Variants in TAFA1 observed in about 807,000 individuals in gnomAD.
TAFA1 encodes chemokine-like protein TAFA-1.
In TAFA1, 4 loss-of-function variants were observed where a neutral mutation model predicts 18.5. The observed-to-expected ratio is 0.22, with a 90% CI of 0.11 to 0.49. TAFA1 has a LOEUF of 0.49. Among genes scored for constraint, TAFA1 ranks in the 20% least tolerant of loss-of-function variants. The pLI, the probability that TAFA1 is intolerant of heterozygous loss-of-function variation, is 0.98. For missense variants in TAFA1, 147 were observed against 169.0 expected, an observed-to-expected ratio of 0.87 and a Z score of 0.72; for synonymous variants, 56 against 55.2, an observed-to-expected ratio of 1.01 and a Z score of -0.06.
intron 2 of TAFA1, among the ~76,000 whole-genome samples, chr3:68,012,426 A>C (rs1196954392): frequency 1.3e-5 from 2 of 152,206 alleles, no homozygotes; most frequent in Non-Finnish European, 2.9e-5. Flanking sequence ...AGGGATGAGA[A>C]TATGTCTATC....
intron 2 of TAFA1, among the ~76,000 whole-genome samples, chr3:68,063,651 T>C (rs1244411994): frequency 2.0e-5 from 3 of 152,210 alleles, no homozygotes; most frequent in Non-Finnish European, 4.4e-5. Context: ...GGGTTCTTAC[T>C]ACAGGTATTT....
At chr3:68,381,983 G>A (rs1438428533) in intron 2 of TAFA1, among the ~76,000 whole-genome samples, 5 of 152,164 alleles carry the variant, frequency 3.3e-5, no homozygotes, top group African/African-American at 9.7e-5. Flanking sequence ...AGCATGAAGG[G>A]TTGTTGACTT....
At chr3:68,509,828 C>T (rs1004142525) in intron 3 of TAFA1, among the ~76,000 whole-genome samples, 1 of 152,078 alleles carries the variant, frequency 6.6e-6, no homozygotes, top group African/African-American at 2.4e-5. Flanking sequence ...TGGGAAATGC[C>T]TCACAGGGAA....
upstream of TAFA1, among the ~76,000 whole-genome samples, chr3:68,003,827 C>T (rs893522356): frequency 1.5e-4 from 23 of 152,152 alleles, no homozygotes; most frequent in African/African-American, 5.3e-4. Context: ...TATGCATATA[C>T]GCATCTATGT....
chr3:68,194,973 G>T (rs1414382572), intron 2 of TAFA1, among the ~76,000 whole-genome samples: 4 of 151,512 alleles, frequency 2.6e-5, no homozygotes, highest in Admixed American at 1.3e-4. Context: ...CAGTTTTTCG[G>T]TATGCCCATT....
intron 2 of TAFA1, among the ~76,000 whole-genome samples, chr3:68,279,290 A>T (rs1282466413): frequency 6.6e-6 from 1 of 152,096 alleles, no homozygotes; most frequent in Non-Finnish European, 1.5e-5. Context: ...GGGGTCCAGG[A>T]ATCTATTCTT....
In TAFA1 at chr3:68,006,546, C is replaced by A. The variant is rs1374773039; in HGVS notation, c.-3-78C>A. ...AAAGGAACATGACGTCTGAGACCTCCCTTCCCTCATCAGTGGGGCTGACTG... is the reference window on the plus strand; with the variant it reads ...AAAGGAACATGACGTCTGAGACCTCACTTCCCTCATCAGTGGGGCTGACTG... On this transcript the variant is annotated intron_variant, in intron 1 of 4. Transcript: ENST00000478136. The A allele has an allele frequency of 4.5e-6, 4 of 891,508 alleles. No individual in the cohort carries two copies. In the African/African-American group the frequency reaches 4.9e-5, roughly 11 times the overall value. The allele number at this position is 891,508 out of a possible 1,614,324, so 55.2% of individuals were successfully genotyped here.
intron 2 of TAFA1, among the ~76,000 whole-genome samples, chr3:68,271,382 G>A (rs1330462194): frequency 1.3e-5 from 2 of 152,080 alleles, no homozygotes; most frequent in Non-Finnish European, 2.9e-5. Flanking sequence ...TCCAGGGGAT[G>A]GAATTGTCCA....
intron 2 of TAFA1, among the ~76,000 whole-genome samples, chr3:68,268,578 G>A (rs1265025523): frequency 6.6e-6 from 1 of 152,098 alleles, no homozygotes; most frequent in Non-Finnish European, 1.5e-5. Context: ...AAGGTGAAAG[G>A]GATAGCAAAG....
intron 3 of TAFA1, among the ~76,000 whole-genome samples, chr3:68,429,639 G>A (rs2071129181): frequency 1.3e-5 from 2 of 151,894 alleles, no homozygotes; most frequent in Admixed American, 1.3e-4. Flanking sequence ...TGTTCCATAT[G>A]TTTACATTCC....
At chr3:68,071,242 C>T (rs1427163320) in intron 2 of TAFA1, among the ~76,000 whole-genome samples, 3 of 152,196 alleles carry the variant, frequency 2.0e-5, no homozygotes, top group African/African-American at 7.2e-5. Context: ...GGAAGTCACA[C>T]CTTATGTGGA....
intron 2 of TAFA1, among the ~76,000 whole-genome samples, chr3:68,099,408 C>G (rs906518192): frequency 2.0e-5 from 3 of 152,126 alleles, no homozygotes; most frequent in African/African-American, 7.2e-5. Flanking sequence ...AAAAAATGCT[C>G]AATATCACTA....
intron 3 of TAFA1, among the ~76,000 whole-genome samples, chr3:68,530,559 C>T (rs900826511): frequency 1.3e-5 from 2 of 152,128 alleles, no homozygotes; most frequent in African/African-American, 2.4e-5. Context: ...TAAAAGGGAC[C>T]TTAAAGATCT....
chr3:68,040,768 G>T (rs1378227966), intron 2 of TAFA1, among the ~76,000 whole-genome samples: 1 of 152,122 alleles, frequency 6.6e-6, no homozygotes. Flanking sequence ...AAGCCCTTCA[G>T]GAGATTTTGA....
intron 2 of TAFA1, among the ~76,000 whole-genome samples, chr3:68,014,470 GA>G (rs1306508315): frequency 1.3e-5 from 2 of 152,158 alleles, no homozygotes; most frequent in African/African-American, 4.8e-5. Context: ...ACCAGAGTAG[GA>G]GTCAGAGGCT....
intron 2 of TAFA1, among the ~76,000 whole-genome samples, chr3:68,337,983 CAAATT>C (rs1387301193): frequency 6.6e-6 from 1 of 152,190 alleles, no homozygotes; most frequent in East Asian, 1.9e-4. Flanking sequence ...GGGTTTCTGT[CAAATT>C]AGATTAGCTG....
intron 2 of TAFA1, among the ~76,000 whole-genome samples, chr3:68,174,875 G>C (rs2066104127): frequency 6.6e-6 from 1 of 152,220 alleles, no homozygotes; most frequent in African/African-American, 2.4e-5. Context: ...CTTCATGGCT[G>C]CCCCTCCCAT....
At chr3:68,124,466 T>C (rs1434308990) in intron 2 of TAFA1, among the ~76,000 whole-genome samples, 1 of 152,194 alleles carries the variant, frequency 6.6e-6, no homozygotes, top group Non-Finnish European at 1.5e-5. Flanking sequence ...GATATGTGCA[T>C]TTGTGAGGGA....
intron 2 of TAFA1, among the ~76,000 whole-genome samples, chr3:68,248,088 T>C (rs1439453853): frequency 6.6e-6 from 1 of 152,240 alleles, no homozygotes; most frequent in Admixed American, 6.5e-5. Context: ...ATTCTCATAT[T>C]AAGGTTTAGA....
Sources: allele counts gnomAD v4.1 joint callset (sites outside exome capture counted in the v4.1 genomes callset), GRCh38; gene constraint gnomAD v4.1.1; transcripts MANE v1.5; gene names NCBI Gene and HGNC (gene_info 2026-07-23, HGNC 2026-07-21).